The following PPP2R1A variants were observed in gnomAD, a reference collection of about 807,000 sequenced individuals.
PPP2R1A encodes serine/threonine-protein phosphatase 2A 65 kDa regulatory subunit A alpha isoform.
In PPP2R1A, 15 loss-of-function variants were observed where a neutral mutation model predicts 67.1. That is an observed-to-expected ratio of 0.22 (90% CI 0.15 to 0.34). The LOEUF (loss-of-function observed/expected upper bound fraction) is 0.34. Ranked by LOEUF, PPP2R1A falls within the 10% of genes least tolerant of loss-of-function variation. PPP2R1A has a pLI of 1.00. For synonymous variants in PPP2R1A, 337 were observed against 325.0 expected, an observed-to-expected ratio of 1.04 and a Z score of -0.40; for missense variants, 369 against 775.0, an observed-to-expected ratio of 0.48 and a Z score of 6.22.
At chr19:52,196,894 C>T (rs921189268) in intron 1 of PPP2R1A, among the ~76,000 whole-genome samples, 11 of 152,152 alleles carry the variant, frequency 7.2e-5, no homozygotes, top group African/African-American at 2.7e-4. Flanking sequence ...TAAGTGTGAC[C>T]CCCATCCCTA....
In PPP2R1A at chr19:52,216,696, T is replaced by C. The variant is rs780431607; in HGVS notation, c.1128+33T>C. 8 of 1,614,050 alleles carry C rather than the reference T, an allele frequency of 5.0e-6. No homozygotes were observed. In the South Asian group the frequency reaches 6.6e-5, roughly 13 times the overall value. On this transcript the variant is annotated intron_variant, in intron 9 of 14. Coordinates refer to ENST00000322088, the MANE Select transcript of PPP2R1A (RefSeq NM_014225.6). The surrounding 1 kb of genome is among the most constrained non-coding windows in gnomAD (Gnocchi z 4.3). ...CACCAGGATCTCAGCTCTGGGTTTG[T>C]GGAGGGGACAGGCGGGTCTTCCTAG...
chr19:52,199,857 TG>T (rs1441120812), intron 1 of PPP2R1A, among the ~76,000 whole-genome samples: 1 of 152,246 alleles, frequency 6.6e-6, no homozygotes, highest in African/African-American at 2.4e-5. Flanking sequence ...ATTTTTTAGC[TG>T]AAAATCAGTT....
intron 11 of PPP2R1A, among the ~76,000 whole-genome samples, chr19:52,220,535 C>T (rs762853904): frequency 2.0e-5 from 3 of 152,166 alleles, no homozygotes; most frequent in Non-Finnish European, 4.4e-5. Context: ...AGATCTAAAA[C>T]AAGTCACCTG....
At position 52,211,340 on chromosome 19, in the gene PPP2R1A, C is replaced by T. The variant is rs752257198; in HGVS notation, c.351C>T (p.His117=). The T allele has an allele frequency of 4.0e-5, 64 of 1,613,942 alleles. No individual in the cohort carries two copies. The highest frequency in any genetic ancestry group is 2.0e-4 in the East Asian group (9 of 44,896). ...KAVESLRAIS[H]EHSPSDLEAH... ...TGGAGTCCTTACGGGCCATCTCACA[C>T]GAGCACTCGCCCTCTGACCTGGAGG... Residue 117 remains histidine, a synonymous_variant, in exon 4 of 15, where the codon CAC becomes CAT. Transcript: ENST00000322088. This position sits in a 1 kb window ranked among gnomAD's most constrained non-coding sequence, Gnocchi z 5.3.
At position 52,212,790 on chromosome 19, in the gene PPP2R1A, G is replaced by A. The variant is rs2122335581; in HGVS notation, c.608G>A (p.Ser203Asn). The A allele has an allele frequency of 6.2e-7, 1 of 1,613,136 alleles. No homozygotes were observed. The highest frequency in any genetic ancestry group is 1.1e-5 in the South Asian group (1 of 90,910). The change falls in exon 5 of 15, where the codon AGT (serine) becomes AAT (asparagine). Residue 203 changes from serine to asparagine, a missense_variant. Around this residue, in one of 2 missense-constraint regions of PPP2R1A, gnomAD observed 276 missense variants for 508.4 expected, o/e 0.54. Transcript: ENST00000322088. The surrounding 1 kb of genome is among the most constrained non-coding windows in gnomAD (Gnocchi z 4.1). Reference protein sequence around the residue: ...AKVLELDNVKSEIIPMFSNLA... With the variant: ...AKVLELDNVKNEIIPMFSNLA... ...GTGCTGGAGCTGGACAACGTCAAGA[G>A]TGAGATCATCCCCATGTTCTCCAAC... is the stretch of plus-strand genomic sequence containing the variant.
chr19:52,205,662 A>G (rs1389401139), intron 2 of PPP2R1A, among the ~76,000 whole-genome samples: 1 of 152,154 alleles, frequency 6.6e-6, no homozygotes, highest in African/African-American at 2.4e-5. Flanking sequence ...CGTTGCTACG[A>G]GGGAGGGATG....
intron 3 of PPP2R1A, among the ~76,000 whole-genome samples, chr19:52,207,366 A>G (rs2089615024): frequency 1.3e-5 from 2 of 152,056 alleles, no homozygotes; most frequent in Admixed American, 6.5e-5. Context: ...TTTTTATGAA[A>G]CCGCAAGGCT....
In PPP2R1A at chr19:52,216,776, C is replaced by T. The variant is rs1457687833; in HGVS notation, c.1128+113C>T. ...AATCTGCTGATATCTCAACAGACATCCAGATCTTTGCTGAGTTGCATGTTT... is the reference window on the plus strand; with the variant it reads ...AATCTGCTGATATCTCAACAGACATTCAGATCTTTGCTGAGTTGCATGTTT... On this transcript the variant is annotated intron_variant, in intron 9 of 14. Coordinates refer to ENST00000322088, the MANE Select transcript of PPP2R1A (RefSeq NM_014225.6). This position sits in a 1 kb window ranked among gnomAD's most constrained non-coding sequence, Gnocchi z 4.3. 2 of 1,494,036 alleles carry T rather than the reference C, an allele frequency of 1.3e-6. No individual in the cohort carries two copies. The highest frequency in any genetic ancestry group is 4.6e-5 in the East Asian group (2 of 43,838). 92.5% of individuals were successfully genotyped at this position (1,494,036 alleles called of 1,614,324 possible). A position where few individuals can be genotyped will look rare whatever the true frequency, so the allele number is the denominator to read the frequency against.
chr19:52,217,845 C>T (rs1020166762), intron 9 of PPP2R1A, among the ~76,000 whole-genome samples: 6 of 152,004 alleles, frequency 3.9e-5, no homozygotes, highest in Admixed American at 3.3e-4. Flanking sequence ...GAGAGATCAT[C>T]AGGGTGACCA....
intron 1 of PPP2R1A, among the ~76,000 whole-genome samples, chr19:52,200,647 C>G (rs1398587183): frequency 2.0e-5 from 3 of 152,286 alleles, no homozygotes; most frequent in East Asian, 1.9e-4. Flanking sequence ...AGTCTGAAAT[C>G]AAGGTCTCGG....
chr19:52,192,670 C>G (rs1428769830), intron 1 of PPP2R1A, among the ~76,000 whole-genome samples: 2 of 152,158 alleles, frequency 1.3e-5, no homozygotes, highest in Non-Finnish European at 2.9e-5. Flanking sequence ...ATCCTCCCAT[C>G]TTTTCATTCA....
At chr19:52,217,489 GC>G (rs1978648601) in intron 9 of PPP2R1A, among the ~76,000 whole-genome samples, 1 of 152,218 alleles carries the variant, frequency 6.6e-6, no homozygotes, top group South Asian at 2.1e-4. Flanking sequence ...GTGAGCCGCT[GC>G]CCCCAGCCTA....
rs1158860553 is a variant in PPP2R1A at position 52,211,224 on chromosome 19, A to G, written c.271-36A>G. 6.3e-7 allele frequency: 1 copy of G among 1,592,956 alleles called. No individual in the cohort carries two copies. Among genetic ancestry groups the G allele is most frequent in the Non-Finnish European group, 8.6e-7 (1 of 1,167,454 alleles). On this transcript the variant is annotated intron_variant, in intron 3 of 14. Coordinates refer to ENST00000322088, the MANE Select transcript of PPP2R1A (RefSeq NM_014225.6). This position sits in a 1 kb window ranked among gnomAD's most constrained non-coding sequence, Gnocchi z 5.3. The stretch of plus-strand genomic sequence containing the variant: ...GGCTCCAGGGCTGCGGATGGTGGAG[A>G]GGGAGCTGTCCAGTGACTTTGTGTT...
intron 1 of PPP2R1A, among the ~76,000 whole-genome samples, chr19:52,193,695 G>C (rs1231336147): frequency 6.6e-6 from 1 of 152,024 alleles, no homozygotes. Context: ...TCAGCCTCCT[G>C]AGTGGCTAGG....
chr19:52,218,236 CTT>C (rs1284269449), intron 9 of PPP2R1A, among the ~76,000 whole-genome samples: 1 of 152,084 alleles, frequency 6.6e-6, no homozygotes, highest in Non-Finnish European at 1.5e-5. Context: ...CCCCTTCTTT[CTT>C]TTTTATACAC....
chr19:52,200,560 G>C (rs2089537504), intron 1 of PPP2R1A, among the ~76,000 whole-genome samples: 1 of 152,186 alleles, frequency 6.6e-6, no homozygotes, highest in Non-Finnish European at 1.5e-5. Flanking sequence ...TAGTTCTCTA[G>C]GACTGCCACA....
Position 52,210,739 on chromosome 19 carries a change from G to A in PPP2R1A, c.271-521G>A, listed in dbSNP as rs138640147. Among the ~76,000 whole-genome samples, 569 of 152,180 alleles carry A rather than the reference G, an allele frequency of 3.7e-3. 5 individuals are homozygous for A. The highest frequency in any genetic ancestry group is 0.013 in the African/African-American group (554 of 41,526). ...GAACTCCTGACCTCGTGATCCACCC[G>A]CTTCAGCCTCCCATAGTGCTGGGAT... On this transcript the variant is annotated intron_variant, in intron 3 of 14. Transcript: ENST00000322088.
chr19:52,222,596 T>C (rs912274408), intron 13 of PPP2R1A, among the ~76,000 whole-genome samples: 1 of 152,244 alleles, frequency 6.6e-6, no homozygotes, highest in African/African-American at 2.4e-5. Flanking sequence ...ACACCTCTAA[T>C]GTAAACTGTA....
At chr19:52,221,640 T>C (rs996288834) in intron 12 of PPP2R1A, among the ~76,000 whole-genome samples, 1 of 152,214 alleles carries the variant, frequency 6.6e-6, no homozygotes, top group African/African-American at 2.4e-5. Flanking sequence ...AATCAGGTTA[T>C]ACACGCACAG....
Sources: gnomAD v4.1 joint callset for allele counts (sites outside exome capture counted in the v4.1 genomes callset) on GRCh38, gnomAD v4.1.1 for gene constraint, gnomAD v4.1.1 regional missense constraint, Gnocchi (gnomAD v3.1) non-coding constraint, MANE v1.5 for transcripts, NCBI Gene and HGNC (gene_info 2026-07-23, HGNC 2026-07-21) for gene names.